ZNF138: variants seen among roughly 807,000 people sequenced by gnomAD.
ZNF138 encodes the protein zinc finger protein 138.
ZNF138 carries 33 observed loss-of-function variants against 33.0 expected under a neutral mutation model. The observed-to-expected ratio is 1.00, with a 90% CI of 0.76 to 1.34. ZNF138 has a LOEUF of 1.34. ZNF138 is among the 40% of genes most tolerant of loss of function. The pLI, the probability that ZNF138 is intolerant of heterozygous loss-of-function variation, is 0.00. For synonymous variants in ZNF138, 139 were observed against 120.4 expected (o/e 1.15, Z -1.01); for missense variants, 360 against 370.8 (o/e 0.97, Z 0.24).
At chr7:64,838,748 G>A in the ZNF138 span, among the ~76,000 whole-genome samples, 2 of 152,176 alleles carry the variant, frequency 1.3e-5, no homozygotes, top group African/African-American at 2.4e-5. Context: ...CTACAGGGAG[G>A]TGGAAATAAG....
chr7:64,832,864 A>G lies in ZNF138; in HGVS notation c.*662A>G, dbSNP rs1017065019. ...TGTGAAGAATGTGGCATATCTTTTA[A>G]CCAGTTCTCACAACTTGCTATACAT... is the stretch of plus-strand genomic sequence containing the variant. On this transcript the variant is annotated 3_prime_UTR_variant, in exon 4 of 4. Coordinates refer to ENST00000307355, the MANE Select transcript of ZNF138 (RefSeq NM_001271639.2). The G allele has an allele frequency of 4.7e-6, 2 of 421,326 alleles. No individual in the cohort carries two copies. Among genetic ancestry groups the G allele is most frequent in the East Asian group, 1.2e-4 (2 of 16,004 alleles). The allele number at this position is 421,326 out of a possible 1,614,324, so 26.1% of individuals were successfully genotyped here. A position where few individuals can be genotyped will look rare whatever the true frequency, so the allele number is the denominator to read the frequency against.
downstream of ZNF138, among the ~76,000 whole-genome samples, chr7:64,837,877 T>C (rs533186412): frequency 6.6e-6 from 1 of 152,240 alleles, no homozygotes; most frequent in South Asian, 2.1e-4. Flanking sequence ...GATAAGTTGA[T>C]GTATTTGCTT....
chr7:64,834,975 G>A (rs770916103), downstream of ZNF138, among the ~76,000 whole-genome samples: 8 of 152,184 alleles, frequency 5.3e-5, no homozygotes, highest in African/African-American at 1.2e-4. Flanking sequence ...TTGAGCTCTC[G>A]GGCGAGGTTC....
At chr7:64,797,762 G>A (rs1327499587) in intron 1 of ZNF138, among the ~76,000 whole-genome samples, 1 of 152,080 alleles carries the variant, frequency 6.6e-6, no homozygotes, top group African/African-American at 2.4e-5. Context: ...ACAAAATTAG[G>A]TTTATTTTTT....
At chr7:64,835,396 G>A (rs1790337657), downstream of ZNF138, 1 of 152,126 alleles carries the variant, frequency 6.6e-6, no homozygotes, top group South Asian at 2.1e-4. Context: ...GTGATTTCTT[G>A]TATCCGCTGG....
intron 3 of ZNF138, among the ~76,000 whole-genome samples, chr7:64,823,721 C>T (rs1487622202): frequency 1.3e-5 from 2 of 152,118 alleles, no homozygotes; most frequent in African/African-American, 4.8e-5. Context: ...GGGTGGATCA[C>T]GAGGTCAGGA....
At position 64,831,522 on chromosome 7, in the gene ZNF138, C is replaced by T; in HGVS notation, c.280C>T (p.Leu94=). 1.2e-6 allele frequency: 2 copies of T among 1,610,278 alleles called. No homozygotes were observed. The highest frequency in any genetic ancestry group is 8.5e-7 in the Non-Finnish European group (1 of 1,178,970). The stretch of plus-strand genomic sequence containing the variant: ...AAAAGATTCTTTCCAAAAAGTGACA[C>T]TGAGCAGATATGGAAAATATGGACA... ...NIKDSFQKVT[L]SRYGKYGHKN... Residue 94 remains leucine, a synonymous_variant, in exon 4 of 4, where the codon CTG becomes TTG. Transcript: ENST00000307355.
the ZNF138 span, among the ~76,000 whole-genome samples, chr7:64,841,735 G>A: frequency 6.6e-6 from 1 of 152,014 alleles, no homozygotes; most frequent in South Asian, 2.1e-4. Flanking sequence ...TTGTCTTCAT[G>A]CCATGTCATT....
At chr7:64,810,142 C>T (rs1277352125) in intron 1 of ZNF138, among the ~76,000 whole-genome samples, 5 of 102,308 alleles carry the variant, frequency 4.9e-5, no homozygotes, top group East Asian at 2.7e-4. Context: ...GCCCAGATCA[C>T]GCCACTGCAC....
chr7:64,810,663 A>G (rs992241509), intron 1 of ZNF138, among the ~76,000 whole-genome samples: 10 of 152,302 alleles, frequency 6.6e-5, no homozygotes, highest in African/African-American at 2.4e-4. Context: ...TAAGCTTAGC[A>G]AAAACAATAG....
At chr7:64,845,679 A>G in the ZNF138 span, among the ~76,000 whole-genome samples, 1 of 152,154 alleles carries the variant, frequency 6.6e-6, no homozygotes, top group African/African-American at 2.4e-5. Context: ...ATTATTAGTG[A>G]TGTTGAGCAT....
chr7:64,840,821 ACGTATGTTACTCTAAATAAACC>A, the ZNF138 span, among the ~76,000 whole-genome samples: 6 of 152,310 alleles, frequency 3.9e-5, no homozygotes, highest in South Asian at 1.2e-3. Context: ...TTAGCTATGC[ACGTATGTTACTCTAAATAAACC>A]TTAGGTGCAA....
chr7:64,847,311 A>AATACAT, the ZNF138 span, among the ~76,000 whole-genome samples: 1 of 77,426 alleles, frequency 1.3e-5, no homozygotes, highest in East Asian at 4.0e-4. Context: ...CATCTCTTCT[A>AATACAT]ATACATATAT....
At chr7:64,838,230 G>T (rs1790419073), downstream of ZNF138, among the ~76,000 whole-genome samples, 1 of 152,232 alleles carries the variant, frequency 6.6e-6, no homozygotes, top group African/African-American at 2.4e-5. Flanking sequence ...GCCATGTGGA[G>T]ACACAGCGGC....
At chr7:64,803,932 G>C (rs1373321186) in intron 1 of ZNF138, among the ~76,000 whole-genome samples, 1 of 152,150 alleles carries the variant, frequency 6.6e-6, no homozygotes, top group Non-Finnish European at 1.5e-5. Context: ...TTGGAATGCT[G>C]CTGTTACAGG....
the ZNF138 span, among the ~76,000 whole-genome samples, chr7:64,842,207 G>T: frequency 6.6e-6 from 1 of 152,120 alleles, no homozygotes; most frequent in Non-Finnish European, 1.5e-5. Flanking sequence ...GGGATTGCAG[G>T]TGCCTGCCAC....
chr7:64,838,912 G>A, the ZNF138 span, among the ~76,000 whole-genome samples: 697 of 152,196 alleles, frequency 4.6e-3, 2 homozygotes, highest in Non-Finnish European at 8.4e-3. Flanking sequence ...TGAGGAAGCA[G>A]GTAGTAAGAT....
rs1451820599 is a variant in ZNF138, at chr7:64,794,482, C to T, written c.-87C>T. Reference sequence around the variant, plus strand: ...GCCTTCACTTTTCTGCGTCCTCTTACTCCTAGAGGCCCAGCCTCTGTGGCG... The same window carrying T: ...GCCTTCACTTTTCTGCGTCCTCTTATTCCTAGAGGCCCAGCCTCTGTGGCG... On this transcript the variant is annotated 5_prime_UTR_variant, in exon 1 of 4. Coordinates refer to ENST00000307355, the MANE Select transcript of ZNF138 (RefSeq NM_001271639.2). 29 of 1,594,756 alleles carry T rather than the reference C, an allele frequency of 1.8e-5. No homozygotes were observed. The highest frequency in any genetic ancestry group is 2.2e-5 in the Non-Finnish European group (26 of 1,165,370).
At chr7:64,800,356 T>C (rs1787042669) in intron 1 of ZNF138, among the ~76,000 whole-genome samples, 1 of 152,248 alleles carries the variant, frequency 6.6e-6, no homozygotes, top group South Asian at 2.1e-4. Flanking sequence ...TTTTGAAATA[T>C]GTACCTTCAA....
Sources: gnomAD v4.1 joint callset for allele counts (sites outside exome capture counted in the v4.1 genomes callset) on GRCh38, gnomAD v4.1.1 for gene constraint, MANE v1.5 for transcripts, NCBI Gene and HGNC (gene_info 2026-07-23, HGNC 2026-07-21) for gene names.